Variants in CLVS1 observed in about 807,000 individuals in gnomAD.
CLVS1 encodes clavesin 1, also known as clavesin-1.
In CLVS1, 10 loss-of-function variants were observed where a neutral mutation model predicts 33.1. The ratio of observed to expected loss-of-function variants is 0.30; its 90% CI spans 0.19 to 0.51. CLVS1 has a LOEUF of 0.51. Ranked by LOEUF, CLVS1 falls within the 20% of genes least tolerant of loss-of-function variation. The pLI is 0.97. For synonymous variants in CLVS1, 163 were observed against 166.1 expected (o/e 0.98, Z 0.14); for missense variants, 343 against 433.4 (o/e 0.79, Z 1.85).
intron 2 of CLVS1, among the ~76,000 whole-genome samples, chr8:61,161,888 T>C (rs1585653454): frequency 1.3e-5 from 2 of 152,328 alleles, no homozygotes; most frequent in Admixed American, 1.3e-4. Context: ...AAACACCACA[T>C]TGTACACCTT....
intron 2 of CLVS1, among the ~76,000 whole-genome samples, chr8:61,280,675 T>C (rs1809651991): frequency 6.6e-6 from 1 of 152,254 alleles, no homozygotes; most frequent in Admixed American, 6.5e-5. Context: ...CTTTGCCTTA[T>C]TCATGGCAAC....
the CLVS1 span, among the ~76,000 whole-genome samples, chr8:60,995,392 C>T: frequency 1.3e-5 from 2 of 152,028 alleles, no homozygotes; most frequent in Non-Finnish European, 2.9e-5. Context: ...ATTTATGCAG[C>T]CAAAAAACAC....
intron 2 of CLVS1, among the ~76,000 whole-genome samples, chr8:61,259,908 GGA>G (rs1809164774): frequency 6.6e-6 from 1 of 152,202 alleles, no homozygotes; most frequent in Admixed American, 6.5e-5. Flanking sequence ...CAGGCTTGCA[GGA>G]GAGTCTGCAG....
intron 1 of CLVS1, among the ~76,000 whole-genome samples, chr8:61,119,658 C>G (rs1240667272): frequency 6.8e-6 from 1 of 146,808 alleles, no homozygotes; most frequent in Non-Finnish European, 1.5e-5. Context: ...ATATGAAATT[C>G]TGGGTTGAAA....
chr8:61,454,039 C>A, intron 3 of CLVS1, 102 bp from the exon 4 acceptor site: 1 of 789,678 alleles, frequency 1.3e-6, no homozygotes, highest in Non-Finnish European at 2.3e-6. Context: ...GAGCTTCTAC[C>A]AGGCAGGAAA....
At chr8:61,049,436 GAA>G in the CLVS1 span, among the ~76,000 whole-genome samples, 2 of 152,190 alleles carry the variant, frequency 1.3e-5, no homozygotes, top group Admixed American at 6.5e-5. Context: ...TATACAGAGA[GAA>G]TGCATTTAGG....
intron 2 of CLVS1, among the ~76,000 whole-genome samples, chr8:61,218,409 T>A (rs924060814): frequency 1.3e-5 from 2 of 152,032 alleles, no homozygotes; most frequent in Non-Finnish European, 2.9e-5. Flanking sequence ...AAGAGAAAGT[T>A]AAACACCACA....
chr8:61,075,611 T>A (rs745394990), intron 1 of CLVS1, among the ~76,000 whole-genome samples: 2 of 152,234 alleles, frequency 1.3e-5, no homozygotes, highest in Non-Finnish European at 2.9e-5. Context: ...TATAAGCACC[T>A]AATTATGATT....
At position 61,272,922 on chromosome 8, in the gene CLVS1, C is replaced by G. The variant is rs1295994394; in HGVS notation, c.-151-26755C>G. On this transcript the variant is annotated intron_variant, in intron 2 of 2. Transcript: ENST00000522621. Reference sequence around the variant, plus strand: ...AAATTTTTTTCAAAGTTTTCAACTTCTTTGCCTTTGGTTTGAATGTCCTCC... The same window carrying G: ...AAATTTTTTTCAAAGTTTTCAACTTGTTTGCCTTTGGTTTGAATGTCCTCC... Among the ~76,000 whole-genome samples the G allele has an allele frequency of 2.7e-5, 4 of 147,616 alleles. No individual in the cohort carries two copies. The East Asian group carries it at 7.9e-4, about 29-fold the overall frequency.
intron 5 of CLVS1, among the ~76,000 whole-genome samples, chr8:61,468,512 C>T (rs1817631008): frequency 6.6e-6 from 1 of 152,056 alleles, no homozygotes; most frequent in Non-Finnish European, 1.5e-5. Context: ...ACATTTGTCT[C>T]TCAGAGACTA....
At chr8:61,271,580 C>G (rs914905705) in intron 2 of CLVS1, among the ~76,000 whole-genome samples, 2 of 135,376 alleles carry the variant, frequency 1.5e-5, no homozygotes, top group African/African-American at 6.2e-5. Flanking sequence ...TGTTGACTTT[C>G]TGTCTCGTTG....
At chr8:61,003,617 G>C in the CLVS1 span, among the ~76,000 whole-genome samples, 4 of 152,216 alleles carry the variant, frequency 2.6e-5, no homozygotes, top group African/African-American at 7.2e-5. Flanking sequence ...ATCCTGAACT[G>C]GTCCGTCTTG....
At chr8:61,226,158 A>G (rs1385505957) in intron 2 of CLVS1, among the ~76,000 whole-genome samples, 1 of 152,220 alleles carries the variant, frequency 6.6e-6, no homozygotes. Context: ...TGCTTGTTTC[A>G]GTATTAGAAG....
At chr8:61,428,999 G>A in intron 3 of CLVS1, among the ~76,000 whole-genome samples, 1 of 152,198 alleles carries the variant, frequency 6.6e-6, no homozygotes, top group East Asian at 1.9e-4. Flanking sequence ...GAATACCTGA[G>A]ACTGGGTAAT....
chr8:61,435,230 G>A (rs1228469834), intron 3 of CLVS1, among the ~76,000 whole-genome samples: 2 of 152,288 alleles, frequency 1.3e-5, no homozygotes, highest in East Asian at 3.9e-4. Flanking sequence ...AGCAGAGTGA[G>A]GCCCCAGGCC....
intron 2 of CLVS1, among the ~76,000 whole-genome samples, chr8:61,372,625 T>C (rs575965251): frequency 6.6e-6 from 1 of 152,278 alleles, no homozygotes; most frequent in South Asian, 2.1e-4. Flanking sequence ...TTAATGTTCT[T>C]TTTCTGTCCC....
At chr8:61,484,015 C>T (rs549786655) in intron 5 of CLVS1, among the ~76,000 whole-genome samples, 1 of 152,154 alleles carries the variant, frequency 6.6e-6, no homozygotes, top group African/African-American at 2.4e-5. Context: ...TGGAAGCATT[C>T]CCTTTGAAAA....
rs374335742 is a variant in CLVS1 at position 61,226,603 on chromosome 8, A to G, written c.-151-73074A>G. On this transcript the variant is annotated intron_variant, in intron 2 of 2. Coordinates refer to the CLVS1 transcript ENST00000522621. ...TTGTATCTTGATGTTTTCTTGGAGC[A>G]GCATTTGTGACTGAACTATTTGCCC... 1.5e-3 allele frequency among the ~76,000 whole-genome samples: 223 copies of G among 152,332 alleles called. 2 individuals carry two copies. The highest frequency in any genetic ancestry group is 0.014 in the South Asian group (69 of 4,828).
At chr8:61,296,726 T>TTGAATA (rs1810225276) in intron 1 of CLVS1, among the ~76,000 whole-genome samples, 2 of 152,222 alleles carry the variant, frequency 1.3e-5, no homozygotes, top group Non-Finnish European at 2.9e-5. Context: ...TTGACTACTT[T>TTGAATA]CTTTATTCAT....
Sources: allele counts gnomAD v4.1 joint callset (sites outside exome capture counted in the v4.1 genomes callset), GRCh38; gene constraint gnomAD v4.1.1; transcripts MANE v1.5; gene names NCBI Gene and HGNC (gene_info 2026-07-23, HGNC 2026-07-21).